The following KNDC1 variants were observed in gnomAD, a reference collection of about 807,000 sequenced individuals.
KNDC1 encodes the protein kinase non-catalytic C-lobe domain containing 1.
In KNDC1, 106 loss-of-function variants were observed where a neutral mutation model predicts 172.8. That is an observed-to-expected ratio of 0.61 (90% confidence interval 0.52 to 0.72). KNDC1 has a LOEUF of 0.72. Among genes scored for constraint, KNDC1 ranks in the 30% least tolerant of loss-of-function variants. The pLI is 0.00. For synonymous variants in KNDC1, 1,083 were observed against 1,062.2 expected, an observed-to-expected ratio of 1.02 and a Z score of -0.38; for missense variants, 2,325 against 2,394.5, an observed-to-expected ratio of 0.97 and a Z score of 0.61.
Position 133,199,105 on chromosome 10 carries a change from G to A in KNDC1, c.2597G>A (p.Arg866Lys), listed in dbSNP as rs1482129154. The A allele has an allele frequency of 1.9e-6, 3 of 1,608,808 alleles. No homozygotes were observed. In the East Asian group the frequency reaches 6.7e-5, roughly 36 times the overall value. ...DDQSPDSVPERPRPADRRLCL... is the reference protein window; with the variant it reads ...DDQSPDSVPEKPRPADRRLCL... The stretch of plus-strand genomic sequence containing the variant: ...CAGAGTCCAGACAGTGTCCCAGAGA[G>A]GCCGCGGCCCGCAGACCGGAGGCTC... Residue 866 changes from arginine (R) to lysine (K), a missense_variant, in exon 14 of 30, where the codon AGG (arginine) becomes AAG (lysine). Physicochemically the swap from Arg to Lys is conservative, Grantham distance 26. Coordinates refer to ENST00000304613, the MANE Select transcript of KNDC1 (RefSeq NM_152643.8).
At chr10:133,180,491 C>G (rs1853685316) in intron 3 of KNDC1, among the ~76,000 whole-genome samples, 1 of 152,266 alleles carries the variant, frequency 6.6e-6, no homozygotes, top group South Asian at 2.1e-4. Flanking sequence ...GTTCACACCC[C>G]AGAGAGTGAG....
rs569783476 is a variant in KNDC1, at chr10:133,197,007, G to A, written c.1735-51G>A. 4 of 1,439,716 alleles carry A rather than the reference G, an allele frequency of 2.8e-6. No individual in the cohort carries two copies. In the African/African-American group the frequency reaches 4.2e-5, roughly 15 times the overall value. 89.2% of individuals were successfully genotyped at this position (1,439,716 alleles called of 1,614,324 possible). A position where few individuals can be genotyped will look rare whatever the true frequency, so the allele number is the denominator to read the frequency against. ...GGGGACCCAGTGACACGGGGACGGT[G>A]CAGCCGTGGCTGAGGCCTGTCGGGA... On this transcript the variant is annotated intron_variant, in intron 10 of 29. Coordinates refer to ENST00000304613, the MANE Select transcript of KNDC1 (RefSeq NM_152643.8).
chr10:133,168,968 G>A (rs1424824310), intron 3 of KNDC1, among the ~76,000 whole-genome samples: 5 of 152,220 alleles, frequency 3.3e-5, no homozygotes, highest in Admixed American at 2.0e-4. Flanking sequence ...GAATCACCCC[G>A]GGGCCTTCAG....
chr10:133,216,217 G>T (rs1248808421), intron 26 of KNDC1, among the ~76,000 whole-genome samples: 1 of 152,098 alleles, frequency 6.6e-6, no homozygotes, highest in African/African-American at 2.4e-5. Flanking sequence ...GTGAGGCGAG[G>T]TGGAGACACA....
Position 133,201,622 on chromosome 10 carries a change from G to T in KNDC1, c.3111G>T (p.Gln1037His), listed in dbSNP as rs1419397709. 2 of 1,613,142 alleles carry T rather than the reference G, an allele frequency of 1.2e-6. No homozygotes were observed. Among genetic ancestry groups the T allele is most frequent in the African/African-American group, 2.7e-5 (2 of 75,068 alleles). Residue 1037 changes from glutamine to histidine, a missense_variant, in exon 17 of 30, where the codon CAG becomes CAT. Physicochemically the swap from Gln to His is conservative, Grantham distance 24 (BLOSUM62 0). Transcript: ENST00000304613. ...ACTTCGAGGTGGGGTTTCGGCCTCA[G>T]AGGTCCGTAAAAGCCGAGAGAGCGC... ...RGNFEVGFRP[Q>H]RSVKAERAQQ...
At chr10:133,210,473 TTTCTCCGGGGA>T in intron 20 of KNDC1, 127 bp from the exon 21 acceptor site, 1 of 578,686 alleles carries the variant, frequency 1.7e-6, no homozygotes, top group Non-Finnish European at 3.1e-6. Context: ...CCCCCTTTAA[TTTCTCCGGGGA>T]TTCTCCTGAC....
intron 3 of KNDC1, among the ~76,000 whole-genome samples, chr10:133,173,223 C>A (rs2135955649): frequency 6.6e-6 from 1 of 152,346 alleles, no homozygotes; most frequent in East Asian, 1.9e-4. Context: ...TTCCAAAGAG[C>A]CTCCTCTGTG....
chr10:133,186,996 C>T (rs1023735356), intron 6 of KNDC1, among the ~76,000 whole-genome samples: 5 of 152,224 alleles, frequency 3.3e-5, no homozygotes, highest in African/African-American at 1.2e-4. Context: ...TTCCGGGAAG[C>T]AAGGCCAGCA....
chr10:133,181,861 C>CACACACACACACACACACA (rs33923925), intron 3 of KNDC1, among the ~76,000 whole-genome samples: 3 of 151,398 alleles, frequency 2.0e-5, no homozygotes, highest in Non-Finnish European at 3.0e-5. Context: ...CACACACACA[C>CACACACACACACACACACA]CAGACTGTGG....
chr10:133,213,714 A>G lies in KNDC1; in HGVS notation c.4513A>G (p.Thr1505Ala), dbSNP rs781313937. The stretch of plus-strand genomic sequence containing the variant: ...GGCCCTGGGCGTCATGGACAAGAGC[A>G]CTGCCATCCCCAAGTGAGCGTCCGG... ...SRALGVMDKS[T>A]AIPKASSSES... The change falls in exon 25 of 30, where the codon ACT becomes GCT. Residue 1505 changes from threonine (T) to alanine (A), a missense_variant. Transcript: ENST00000304613. 4 of 1,613,680 alleles carry G rather than the reference A, an allele frequency of 2.5e-6. No homozygotes were observed. The African/African-American group carries it at 4.0e-5, about 16-fold the overall frequency.
intron 3 of KNDC1, among the ~76,000 whole-genome samples, chr10:133,175,997 G>C (rs1853526552): frequency 6.6e-6 from 1 of 150,642 alleles, no homozygotes; most frequent in Non-Finnish European, 1.5e-5. Flanking sequence ...TGCATGGATG[G>C]ATGGGTGGGT....
In KNDC1 at chr10:133,209,493, G is replaced by C. The variant is rs150206780; in HGVS notation, c.3795-1118G>C. Reference sequence around the variant, plus strand: ...TTGTGTGCGCGTGTGTGGTGTGCGCGTCTGGTTGTGGAGTTCTGTGTGGCT... The same window carrying C: ...TTGTGTGCGCGTGTGTGGTGTGCGCCTCTGGTTGTGGAGTTCTGTGTGGCT... On this transcript the variant is annotated intron_variant, in intron 20 of 29. Transcript: ENST00000304613. This position sits in a 1 kb window ranked among gnomAD's most constrained non-coding sequence, Gnocchi z 4.9. 2.0e-5 allele frequency among the ~76,000 whole-genome samples: 3 copies of C among 151,664 alleles called. No homozygotes were observed. Among genetic ancestry groups the C allele is most frequent in the African/African-American group, 7.3e-5 (3 of 41,216 alleles).
chr10:133,178,223 T>C (rs978612145), intron 3 of KNDC1, among the ~76,000 whole-genome samples: 1 of 152,010 alleles, frequency 6.6e-6, no homozygotes, highest in Non-Finnish European at 1.5e-5. Flanking sequence ...GTGGTGTGTG[T>C]GCATGCATGT....
At chr10:133,166,837 C>T (rs1853175074) in intron 1 of KNDC1, among the ~76,000 whole-genome samples, 1 of 152,086 alleles carries the variant, frequency 6.6e-6, no homozygotes, top group Non-Finnish European at 1.5e-5. Context: ...GGAGGTGAGC[C>T]CACATGGGGG....
chr10:133,165,933 C>T (rs781542309), intron 1 of KNDC1, among the ~76,000 whole-genome samples: 3 of 152,210 alleles, frequency 2.0e-5, no homozygotes, highest in Non-Finnish European at 4.4e-5. Flanking sequence ...TCAAGCCCCT[C>T]CCTGGACCGC....
In KNDC1 at chr10:133,198,920, T is replaced by C; in HGVS notation, c.2412T>C (p.Pro804=). 1 of 1,576,966 alleles carries C rather than the reference T, an allele frequency of 6.3e-7. No individual in the cohort carries two copies. The highest frequency in any genetic ancestry group is 1.1e-5 in the South Asian group (1 of 87,688). ...VEQGPAEPIP[P]GVASGGLRPD... is the part of the protein sequence containing the mutation. Reference sequence around the variant, plus strand: ...AAGGGCCGGCTGAGCCGATCCCACCTGGAGTTGCTTCCGGGGGCCTCAGGC... The same window carrying C: ...AAGGGCCGGCTGAGCCGATCCCACCCGGAGTTGCTTCCGGGGGCCTCAGGC... Residue 804 remains proline (P), a synonymous_variant, in exon 14 of 30, where the codon CCT becomes CCC. Coordinates refer to ENST00000304613, the MANE Select transcript of KNDC1 (RefSeq NM_152643.8).
intron 17 of KNDC1, among the ~76,000 whole-genome samples, chr10:133,203,036 G>C (rs1854419669): frequency 6.6e-6 from 1 of 151,764 alleles, no homozygotes; most frequent in African/African-American, 2.4e-5. Flanking sequence ...CAAACGCATG[G>C]CGTCCAGCGG....
At chr10:133,216,560 C>T (rs1275625634) in intron 26 of KNDC1, among the ~76,000 whole-genome samples, 2 of 151,876 alleles carry the variant, frequency 1.3e-5, no homozygotes, top group Admixed American at 1.3e-4. Context: ...ACCTGGAGTC[C>T]CAGCTCCTCA....
chr10:133,189,751 G>A lies in KNDC1; in HGVS notation c.1514-1G>A. On this transcript the variant is annotated splice_acceptor_variant, in intron 8 of 29. Coordinates refer to ENST00000304613, the MANE Select transcript of KNDC1 (RefSeq NM_152643.8). LOFTEE classifies it high-confidence loss of function. Reference sequence around the variant, plus strand: ...AAAGCTCAGTCGGGTTTCTCTCTTAGGTTCCTATGACTCGTTCTTTCTGGC... The same window carrying A: ...AAAGCTCAGTCGGGTTTCTCTCTTAAGTTCCTATGACTCGTTCTTTCTGGC... 1.9e-6 allele frequency: 3 copies of A among 1,614,094 alleles called. No homozygotes were observed. The highest frequency in any genetic ancestry group is 2.5e-6 in the Non-Finnish European group (3 of 1,180,002).
Sources: gnomAD v4.1 joint callset for allele counts (sites outside exome capture counted in the v4.1 genomes callset) on GRCh38, gnomAD v4.1.1 for gene constraint, Gnocchi (gnomAD v3.1) non-coding constraint, MANE v1.5 for transcripts, NCBI Gene and HGNC (gene_info 2026-07-23, HGNC 2026-07-21) for gene names.